PALM3: variants seen among roughly 807,000 people sequenced by gnomAD.
PALM3 encodes paralemmin 3.
In PALM3, 20 loss-of-function variants were observed where a neutral mutation model predicts 27.9. That is an observed-to-expected ratio of 0.72 (90% CI 0.50 to 1.04). PALM3 has a LOEUF of 1.04. Ranked by LOEUF, PALM3 falls within the 50% of genes least tolerant of loss-of-function variation. The pLI is 0.00. For missense variants in PALM3, 814 were observed against 869.4 expected (o/e 0.94, Z 0.80); for synonymous variants, 328 against 352.7 (o/e 0.93, Z 0.79).
chr19:14,056,351 T>C (rs959736450), intron 5 of PALM3, 78 bp downstream of exon 5: 121 of 1,393,672 alleles, frequency 8.7e-5, no homozygotes, highest in African/African-American at 1.1e-4. Context: ...TGGAGAAAGC[T>C]GCATTCCTGA....
At chr19:14,055,517 A>C in intron 5 of PALM3, 92 bp from the exon 6 acceptor site, 3 of 1,240,210 alleles carry the variant, frequency 2.4e-6, no homozygotes, top group Non-Finnish European at 3.4e-6. Context: ...ACCCCTAAAT[A>C]CCCTCAGTGG....
chr19:14,055,087 G>A lies in PALM3; in HGVS notation c.585C>T (p.Ser195=), dbSNP rs1468458243. 7 of 1,551,472 alleles carry A rather than the reference G, an allele frequency of 4.5e-6. No individual in the cohort carries two copies. Among genetic ancestry groups the A allele is most frequent in the Non-Finnish European group, 5.2e-6 (6 of 1,146,998 alleles). Residue 195 remains serine (S), a synonymous_variant, in exon 7 of 7, where the codon TCC becomes TCT. Coordinates refer to ENST00000669674, the MANE Select transcript of PALM3 (RefSeq NM_001145028.2). ...TGGGGCATGGGCCATTGGCTTCTGA[G>A]GAGTCTCCTGCTGCCCCGGGGACCT... The part of the protein sequence containing the change: ...PRQVPGAAGD[S]SEANGPCPSP...
At chr19:14,056,332 G>C in intron 5 of PALM3, 97 bp downstream of exon 5, 1 of 1,252,546 alleles carries the variant, frequency 8.0e-7, no homozygotes, top group Non-Finnish European at 1.1e-6. Flanking sequence ...CTAGTGGCCA[G>C]GCTGCCCTTG....
intron 5 of PALM3, 70 bp from the exon 6 acceptor site, chr19:14,055,495 TC>T: frequency 6.7e-7 from 1 of 1,492,216 alleles, no homozygotes; most frequent in Non-Finnish European, 9.1e-7. Flanking sequence ...CATGCTAGGC[TC>T]CCACCCCACC....
At chr19:14,056,188 C>G (rs1235827587) in intron 5 of PALM3, among the ~76,000 whole-genome samples, 1 of 152,206 alleles carries the variant, frequency 6.6e-6, no homozygotes, top group African/African-American at 2.4e-5. Context: ...GGATTACAGG[C>G]GTGAGCCACC....
intron 2 of PALM3, 32 bp downstream of exon 2, chr19:14,059,083 G>T: frequency 1.4e-6 from 2 of 1,451,346 alleles, no homozygotes; most frequent in Non-Finnish European, 1.8e-6. Context: ...AAAGTTTGGG[G>T]GTGCCCAGGG....
intron 2 of PALM3, among the ~76,000 whole-genome samples, chr19:14,057,900 G>A: frequency 6.6e-6 from 1 of 152,204 alleles, no homozygotes; most frequent in East Asian, 1.9e-4. Flanking sequence ...TTGAGGTCAG[G>A]AGTTCTAGCC....
intron 1 of PALM3, among the ~76,000 whole-genome samples, chr19:14,059,890 C>T (rs1902012852): frequency 6.6e-6 from 1 of 152,108 alleles, no homozygotes; most frequent in East Asian, 1.9e-4. Context: ...TAAGGTTTAA[C>T]TCGAGATTCC....
chr19:14,053,486 G>A lies in PALM3; in HGVS notation c.*119C>T. 8.3e-7 allele frequency: 1 copy of A among 1,210,968 alleles called. No individual in the cohort carries two copies. Among genetic ancestry groups the A allele is most frequent in the South Asian group, 2.2e-5 (1 of 45,870 alleles). 75.0% of individuals were successfully genotyped at this position (1,210,968 alleles called of 1,614,324 possible). ...GTTTAGGTGGACGTGCAGGCTAGCT[G>A]GCTCCCAGGTGCCATGGCCAGTCCT... On this transcript the variant is annotated 3_prime_UTR_variant, in exon 7 of 7. Transcript: ENST00000669674.
Position 14,054,633 on chromosome 19 carries a change from C to T in PALM3, c.1039G>A (p.Gly347Arg). ...PQGSPEGDGQGGSGGEEGSFI... is the reference protein window; with the variant it reads ...PQGSPEGDGQRGSGGEEGSFI... Reference sequence around the variant, plus strand: ...GATCCCTCCTCTCCTCCAGAGCCTCCCTGCCCATCACCCTCAGGGCTGCCC... The same window carrying T: ...GATCCCTCCTCTCCTCCAGAGCCTCTCTGCCCATCACCCTCAGGGCTGCCC... The change falls in exon 7 of 7, where the codon GGA becomes AGA. Residue 347 changes from glycine (G) to arginine (R), a missense_variant. Transcript: ENST00000669674. 1.9e-6 allele frequency: 3 copies of T among 1,551,636 alleles called. No individual in the cohort carries two copies. Among genetic ancestry groups the T allele is most frequent in the Non-Finnish European group, 2.6e-6 (3 of 1,146,884 alleles).
In PALM3 at chr19:14,054,937, G is replaced by C. The variant is rs1599307845; in HGVS notation, c.735C>G (p.Asp245Glu). 2 of 1,549,514 alleles carry C rather than the reference G, an allele frequency of 1.3e-6. No homozygotes were observed. The highest frequency in any genetic ancestry group is 1.7e-6 in the Non-Finnish European group (2 of 1,146,938). Residue 245 changes from aspartate to glutamate, a missense_variant, in exon 7 of 7, where the codon GAC becomes GAG. By Grantham distance (45) the Asp-to-Glu change is conservative. Transcript: ENST00000669674. ...VVWEGLRATE[D>E]CATGATGPEL... is the part of the protein sequence containing the mutation. ...CGGGGCCCGTGGCCCCTGTGGCACA[G>C]TCCTCTGTGGCCCTCAGCCCTTCCC... is the stretch of plus-strand genomic sequence containing the variant.
At position 14,054,220 on chromosome 19, in the gene PALM3, T is replaced by C; in HGVS notation, c.1452A>G (p.Glu484=). ...CTGCCCCTCGCTTTTCCTCATCTCC[T>C]TCCTTCTCTGCCCTCAAATGTCCCT... ...KVEGHLRAEK[E]GDEEKRGAEE... The change falls in exon 7 of 7, where the codon GAA becomes GAG. Residue 484 remains glutamate (E), a synonymous_variant. Transcript: ENST00000669674. The C allele has an allele frequency of 6.4e-7, 1 of 1,552,108 alleles. No homozygotes were observed. Among genetic ancestry groups the C allele is most frequent in the Non-Finnish European group, 8.7e-7 (1 of 1,147,076 alleles).
chr19:14,059,373 A>G (rs114025497), intron 1 of PALM3, among the ~76,000 whole-genome samples: 1,750 of 152,066 alleles, frequency 0.012, 34 homozygotes, highest in African/African-American at 0.04. Context: ...CCCTCCCTAA[A>G]TCTGGCTTTG....
intron 1 of PALM3, among the ~76,000 whole-genome samples, chr19:14,060,429 G>A (rs913746168): frequency 6.6e-6 from 1 of 151,984 alleles, no homozygotes; most frequent in Admixed American, 6.6e-5. Flanking sequence ...TCTTTGCTGA[G>A]TTGACATTCC....
In PALM3 at chr19:14,054,216, CTCCT is replaced by C. The variant is rs1432772023; in HGVS notation, c.1452_1455del (p.Gly485MetfsTer12). ...TCCTCTGCCCCTCGCTTTTCCTCAT[CTCCT>C]TCCTTCTCTGCCCTCAAATGTCCCT... On this transcript the variant is annotated frameshift_variant, in exon 7 of 7. Transcript: ENST00000669674. LOFTEE classifies it low-confidence loss of function (END_TRUNC). 2.6e-6 allele frequency: 4 copies of C among 1,551,902 alleles called. No homozygotes were observed. The highest frequency in any genetic ancestry group is 3.5e-6 in the Non-Finnish European group (4 of 1,147,058).
intron 1 of PALM3, among the ~76,000 whole-genome samples, chr19:14,059,963 C>G (rs550225801): frequency 6.6e-6 from 1 of 152,270 alleles, no homozygotes; most frequent in Admixed American, 6.5e-5. Flanking sequence ...TCTGGACCCA[C>G]TTAGGCTCCC....
In PALM3 at chr19:14,054,816, T is replaced by C. The variant is rs1269937599; in HGVS notation, c.856A>G (p.Arg286Gly). ...LELPAWVKED[R>G]GIVEVVWEGV... Reference sequence around the variant, plus strand: ...TCCCAGACCACCTCCACGATGCCCCTGTCCTCCTTCACCCAGGCCGGGAGC... The same window carrying C: ...TCCCAGACCACCTCCACGATGCCCCCGTCCTCCTTCACCCAGGCCGGGAGC... Residue 286 changes from arginine to glycine, a missense_variant, in exon 7 of 7, where the codon AGG becomes GGG. By Grantham distance (125) the Arg-to-Gly change is moderately radical (BLOSUM62 -2). Coordinates refer to ENST00000669674, the MANE Select transcript of PALM3 (RefSeq NM_001145028.2). 5.5e-6 allele frequency: 8 copies of C among 1,466,734 alleles called. No individual in the cohort carries two copies. Among genetic ancestry groups the C allele is most frequent in the South Asian group, 1.2e-5 (1 of 82,050 alleles). 90.9% of individuals were successfully genotyped at this position (1,466,734 alleles called of 1,614,324 possible).
chr19:14,061,634 C>T (rs577141885), intron 1 of PALM3, among the ~76,000 whole-genome samples: 1 of 152,290 alleles, frequency 6.6e-6, no homozygotes, highest in African/African-American at 2.4e-5. Flanking sequence ...TGACCCTGAC[C>T]TTCCCCACTC....
At chr19:14,058,786 G>A (rs1450038241) in intron 2 of PALM3, among the ~76,000 whole-genome samples, 1 of 151,996 alleles carries the variant, frequency 6.6e-6, no homozygotes, top group Non-Finnish European at 1.5e-5. Context: ...TCAGGATGGG[G>A]GCTCCGAGGT....
Sources: allele counts gnomAD v4.1 joint callset (sites outside exome capture counted in the v4.1 genomes callset), GRCh38; gene constraint gnomAD v4.1.1; transcripts MANE v1.5; gene names NCBI Gene and HGNC (gene_info 2026-07-23, HGNC 2026-07-21).